Variants in FOXN4 observed in about 807,000 individuals in gnomAD.
The protein encoded by FOXN4 is forkhead box N4, also known as forkhead box protein N4.
FOXN4 carries 12 observed loss-of-function variants against 45.0 expected under a neutral mutation model. The ratio of observed to expected loss-of-function variants is 0.27; its 90% CI spans 0.17 to 0.43. The LOEUF is 0.43. FOXN4 is among the 20% of genes least tolerant of loss of function. The pLI is 1.00. For synonymous variants in FOXN4, 297 were observed against 295.0 expected (o/e 1.01, Z -0.07); for missense variants, 560 against 694.9 (o/e 0.81, Z 2.18).
Position 109,287,610 on chromosome 12 carries a change from C to T in FOXN4, c.469-86G>A, listed in dbSNP as rs1189711416. ...TACGTCACTCACAGTAACACTGTCC[C>T]CACCCCAGTTTCAAAACACCTTGTG... On this transcript the variant is annotated intron_variant, in intron 5 of 9. Transcript: ENST00000299162. The surrounding 1 kb of genome is among the most constrained non-coding windows in gnomAD (Gnocchi z 4.1). 6 of 1,431,116 alleles carry T rather than the reference C, an allele frequency of 4.2e-6. No homozygotes were observed. Among genetic ancestry groups the T allele is most frequent in the Non-Finnish European group, 5.6e-6 (6 of 1,080,198 alleles). The allele number at this position is 1,431,116 out of a possible 1,614,324, so 88.7% of individuals were successfully genotyped here. A position where few individuals can be genotyped will look rare whatever the true frequency, so the allele number is the denominator to read the frequency against.
rs1214349698 is a variant in FOXN4, at chr12:109,278,094, G to GT, written c.*1576dup. 1 of 152,264 alleles carries GT rather than the reference G, an allele frequency of 6.6e-6. No individual in the cohort carries two copies. The highest frequency in any genetic ancestry group is 1.9e-4 in the East Asian group (1 of 5,206). The allele number at this position is 152,264 out of a possible 1,614,324, so 9.4% of individuals were successfully genotyped here. ...GTTTCAACATCTTATCAGGGGTCAT[G>GT]TTACACAAAGCAGATGAGCAGTGCA... On this transcript the variant is annotated 3_prime_UTR_variant, in exon 10 of 10. Transcript: ENST00000299162.
chr12:109,304,279 GAAA>G lies in FOXN4; in HGVS notation c.86+3954_86+3956del, dbSNP rs1566005653. ...AGAAAGAAAGAAAGAAAGAAAGAAAGAAAGAAAGAAAGAAAGGAGAAAGAAAGA... is the reference window on the plus strand; with the variant it reads ...AGAAAGAAAGAAAGAAAGAAAGAAAGGAAAGAAAGAAAGGAGAAAGAAAGA... On this transcript the variant is annotated intron_variant, in intron 2 of 9. Transcript: ENST00000299162. 3.1e-4 allele frequency among the ~76,000 whole-genome samples: 20 copies of G among 63,496 alleles called. 1 individual carries two copies. In the Middle Eastern group the frequency reaches 0.029, roughly 92 times the overall value. 41.7% of individuals were successfully genotyped at this position (63,496 alleles called of 152,430 possible).
At position 109,290,147 on chromosome 12, in the gene FOXN4, G is replaced by A. The variant is rs1200479354; in HGVS notation, c.226C>T (p.His76Tyr). ...DLGGPCVPHP[H>Y]PGALAGVADL... ...ACCTTGTCCCTGAGCCTACCTGGGT[G>A]TGGATGTGGCACGCAGGGGCCACCC... The change falls in exon 3 of 10, where the codon CAC becomes TAC. Residue 76 changes from histidine (H) to tyrosine (Y), a missense_variant. This residue lies in a region of FOXN4 where 142 missense variants were observed against 185.7 expected (regional missense o/e 0.76). Coordinates refer to ENST00000299162, the MANE Select transcript of FOXN4 (RefSeq NM_213596.3). The surrounding 1 kb of genome is among the most constrained non-coding windows in gnomAD (Gnocchi z 5.1). The A allele has an allele frequency of 3.9e-6, 6 of 1,547,288 alleles. No individual in the cohort carries two copies. Among genetic ancestry groups the A allele is most frequent in the Non-Finnish European group, 5.2e-6 (6 of 1,144,674 alleles).
chr12:109,292,000 G>C lies in FOXN4; in HGVS notation c.87-1714C>G, dbSNP rs1279163902. Among the ~76,000 whole-genome samples, 1 of 152,164 alleles carries C rather than the reference G, an allele frequency of 6.6e-6. No homozygotes were observed. On this transcript the variant is annotated intron_variant, in intron 2 of 9. Transcript: ENST00000299162. The surrounding 1 kb of genome is among the most constrained non-coding windows in gnomAD (Gnocchi z 6.6). ...TCGTAACTCATCTGGCCAAGTGACA[G>C]CCACGGCCCCGGGCCTGGGCGATAC...
Position 109,281,722 on chromosome 12 carries a change from C to G in FOXN4, c.979G>C (p.Val327Leu). ...PGKPGEPEAP[V>L]LTHATTVAVA... ...GCCACTGTGGTGGCGTGAGTCAGCA[C>G]GGGGGCCTCTGGTTCCCCCGGTTTG... The change falls in exon 9 of 10, where the codon GTG (valine) becomes CTG (leucine). Residue 327 changes from valine to leucine, a missense_variant. Transcript: ENST00000299162. 1 of 1,610,114 alleles carries G rather than the reference C, an allele frequency of 6.2e-7. No homozygotes were observed. Among genetic ancestry groups the G allele is most frequent in the Non-Finnish European group, 8.5e-7 (1 of 1,178,536 alleles).
chr12:109,293,552 T>C (rs952891664), intron 2 of FOXN4, among the ~76,000 whole-genome samples: 1 of 152,170 alleles, frequency 6.6e-6, no homozygotes, highest in African/African-American at 2.4e-5. Context: ...GGCTAGAATG[T>C]AGTGGCACGA....
intron 1 of FOXN4, among the ~76,000 whole-genome samples, chr12:109,308,636 T>C (rs949688656): frequency 1.3e-5 from 2 of 152,094 alleles, no homozygotes; most frequent in African/African-American, 4.8e-5. Flanking sequence ...ACTCACAAAA[T>C]AGGAATCAGA....
At chr12:109,294,069 A>C (rs1184633460) in intron 2 of FOXN4, among the ~76,000 whole-genome samples, 2 of 152,060 alleles carry the variant, frequency 1.3e-5, no homozygotes. Context: ...ACAGGTGGAG[A>C]TCAGACGTCT....
At chr12:109,303,295 C>T (rs896457406) in intron 2 of FOXN4, among the ~76,000 whole-genome samples, 5 of 152,156 alleles carry the variant, frequency 3.3e-5, no homozygotes, top group Non-Finnish European at 7.3e-5. Flanking sequence ...CCCTAAGAAA[C>T]GGAGCCCCTT....
intron 2 of FOXN4, among the ~76,000 whole-genome samples, chr12:109,306,906 G>C (rs2047926244): frequency 6.6e-6 from 1 of 152,202 alleles, no homozygotes; most frequent in Admixed American, 6.5e-5. Context: ...AGGAAGCCTA[G>C]AGGCCCTTGG....
At position 109,290,031 on chromosome 12, in the gene FOXN4, A is replaced by C. The variant is rs533658860; in HGVS notation, c.232+110T>G. 7.2e-5 allele frequency: 93 copies of C among 1,300,270 alleles called. No homozygotes were observed. The African/African-American group carries it at 1.2e-3, about 17-fold the overall frequency. 80.5% of individuals were successfully genotyped at this position (1,300,270 alleles called of 1,614,324 possible). On this transcript the variant is annotated intron_variant, in intron 3 of 9. Transcript: ENST00000299162. The surrounding 1 kb of genome is among the most constrained non-coding windows in gnomAD (Gnocchi z 5.1). The stretch of plus-strand genomic sequence containing the variant: ...TTTACAGATGCAGAAAGAGAGGCCC[A>C]GAGAGACTGGGAGACCGGGTCATGG...
At position 109,286,748 on chromosome 12, in the gene FOXN4, GGGGCAGGAGGTGGGGCAGGGCAGGGCA is replaced by G. The variant is rs770591916; in HGVS notation, c.597-31_597-5del. The stretch of plus-strand genomic sequence containing the variant: ...CAGGGCCATGGCGATCAGACAGCTG[GGGGCAGGAGGTGGGGCAGGGCAGGGCA>G]GGGCAGGACAGGGCAGGCCAGGCAT... On this transcript the variant is annotated splice_region_variant and splice_polypyrimidine_tract_variant and intron_variant, in intron 6 of 9. Transcript: ENST00000299162. The G allele has an allele frequency of 6.2e-7, 1 of 1,603,290 alleles. No homozygotes were observed. Among genetic ancestry groups the G allele is most frequent in the Non-Finnish European group, 8.5e-7 (1 of 1,179,312 alleles).
At chr12:109,286,476 C>A (rs181753847) in intron 7 of FOXN4, among the ~76,000 whole-genome samples, 172 bp downstream of exon 7, 3 of 152,300 alleles carry the variant, frequency 2.0e-5, no homozygotes, top group Admixed American at 6.5e-5. Context: ...CAAATGCCCC[C>A]CTCTCTTTCT....
intron 2 of FOXN4, among the ~76,000 whole-genome samples, chr12:109,301,749 T>G (rs958067747): frequency 3.3e-5 from 5 of 152,258 alleles, no homozygotes; most frequent in Admixed American, 1.3e-4. Context: ...TTTCCAGTCT[T>G]TCTGCCATAG....
In FOXN4 at chr12:109,290,420, TC is replaced by T; in HGVS notation, c.87-135del. 3 of 1,093,026 alleles carry T rather than the reference TC, an allele frequency of 2.7e-6. No homozygotes were observed. Among genetic ancestry groups the T allele is most frequent in the South Asian group, 1.7e-5 (1 of 57,460 alleles). 67.7% of individuals were successfully genotyped at this position (1,093,026 alleles called of 1,614,324 possible). ...CCACGCCAGCCCTCCAACCTGCCCG[TC>T]CCCAGGACTGGACACGGGAACCTGG... On this transcript the variant is annotated intron_variant, in intron 2 of 9. Coordinates refer to ENST00000299162, the MANE Select transcript of FOXN4 (RefSeq NM_213596.3). The surrounding 1 kb of genome is among the most constrained non-coding windows in gnomAD (Gnocchi z 5.1).
At chr12:109,308,363 C>T (rs371847456) in intron 1 of FOXN4, 39 bp from the exon 2 acceptor site, 137 of 1,445,962 alleles carry the variant, frequency 9.5e-5, no homozygotes, top group Non-Finnish European at 1.2e-4. Context: ...CTCCCATCAG[C>T]GACGATATGG....
chr12:109,286,475 C>T (rs531084002), intron 7 of FOXN4, among the ~76,000 whole-genome samples, 173 bp downstream of exon 7: 1 of 152,280 alleles, frequency 6.6e-6, no homozygotes, highest in South Asian at 2.1e-4. Context: ...TCAAATGCCC[C>T]CCTCTCTTTC....
In FOXN4 at chr12:109,279,812, G is replaced by A; in HGVS notation, c.1413C>T (p.Gly471=). The change falls in exon 10 of 10, where the codon GGC becomes GGT. Residue 471 remains glycine (G), a synonymous_variant. Transcript: ENST00000299162. ...GASGLTPASG[G]SDQSFPDLQV... ...GCAAGTCTGGGAAGGACTGGTCGCT[G>A]CCACCCGAGGCAGGGGTTAGGCCTG... 1 of 1,612,290 alleles carries A rather than the reference G, an allele frequency of 6.2e-7. No homozygotes were observed. Among genetic ancestry groups the A allele is most frequent in the South Asian group, 1.1e-5 (1 of 90,698 alleles).
At chr12:109,298,552 A>G (rs558559996) in intron 2 of FOXN4, among the ~76,000 whole-genome samples, 7 of 151,872 alleles carry the variant, frequency 4.6e-5, no homozygotes, top group Non-Finnish European at 1.0e-4. Context: ...TAGTAGAGAG[A>G]GAGTTTCACC....
Sources: gnomAD v4.1 joint callset for allele counts (sites outside exome capture counted in the v4.1 genomes callset) on GRCh38, gnomAD v4.1.1 for gene constraint, gnomAD v4.1.1 regional missense constraint, Gnocchi (gnomAD v3.1) non-coding constraint, MANE v1.5 for transcripts, NCBI Gene and HGNC (gene_info 2026-07-23, HGNC 2026-07-21) for gene names.